Variants in CSMD1 observed in about 807,000 individuals in gnomAD.
The protein encoded by CSMD1 is CUB and sushi domain-containing protein 1.
CSMD1 carries 213 observed loss-of-function variants against 417.5 expected under a neutral mutation model. The observed-to-expected ratio is 0.51, with a 90% CI of 0.46 to 0.57. The LOEUF (loss-of-function observed/expected upper bound fraction) is 0.57, where lower values mean the gene tolerates loss of function less well. Ranked by LOEUF, CSMD1 falls within the 20% of genes least tolerant of loss-of-function variation. CSMD1 has a pLI of 0.00. For missense variants in CSMD1, 6,923 were observed against 4,529.7 expected (o/e 1.53, Z -15.17); for synonymous variants, 2,862 against 1,736.8 (o/e 1.65, Z -16.11).
intron 12 of CSMD1, among the ~76,000 whole-genome samples, chr8:3,431,515 C>G (rs774476811): frequency 6.6e-6 from 1 of 152,136 alleles, no homozygotes; most frequent in South Asian, 2.1e-4. Context: ...CATCCCCATG[C>G]CTTTTTTCCA....
intron 1 of CSMD1, among the ~76,000 whole-genome samples, chr8:4,736,456 C>G (rs145494741): frequency 2.3e-4 from 35 of 152,184 alleles, no homozygotes; most frequent in African/African-American, 6.5e-4. Flanking sequence ...CAGCAGGCCC[C>G]TCAGGTGGGC....
At chr8:4,164,754 T>TA (rs1797358173) in intron 3 of CSMD1, among the ~76,000 whole-genome samples, 1 of 152,060 alleles carries the variant, frequency 6.6e-6, no homozygotes, top group Non-Finnish European at 1.5e-5. Context: ...TTTGTGCCTG[T>TA]AGTCCTAGCT....
chr8:2,957,666 T>C (rs775034855), intron 63 of CSMD1, 30 bp downstream of exon 63: 16 of 1,346,142 alleles, frequency 1.2e-5, no homozygotes, highest in Middle Eastern at 1.8e-4. Flanking sequence ...ATAGGTGACT[T>C]GTGATGGGGG....
At chr8:3,534,614 C>G (rs757730642) in intron 10 of CSMD1, among the ~76,000 whole-genome samples, 2 of 151,374 alleles carry the variant, frequency 1.3e-5, no homozygotes, top group Non-Finnish European at 2.9e-5. Context: ...AAGGGCTTTT[C>G]TGCTAGATGT....
intron 59 of CSMD1, among the ~76,000 whole-genome samples, chr8:2,964,823 A>G (rs113472849): frequency 1.3e-5 from 2 of 152,188 alleles, no homozygotes; most frequent in Non-Finnish European, 2.9e-5. Context: ...GAAGAGAGAG[A>G]AAGCCATATT....
intron 12 of CSMD1, among the ~76,000 whole-genome samples, chr8:3,414,422 C>A (rs764554106): frequency 6.6e-6 from 1 of 152,074 alleles, no homozygotes; most frequent in Non-Finnish European, 1.5e-5. Context: ...GTTGCTCTAG[C>A]TATATTCCCA....
intron 50 of CSMD1, among the ~76,000 whole-genome samples, chr8:3,051,313 G>T (rs962156653): frequency 6.6e-6 from 1 of 152,168 alleles, no homozygotes. Context: ...TGGAGCTGGA[G>T]GTCATTATTC....
rs114918607 is a variant in CSMD1 at position 3,392,453 on chromosome 8, C to T, written c.2593+3741G>A. Among the ~76,000 whole-genome samples, 771 of 152,136 alleles carry T rather than the reference C, an allele frequency of 5.1e-3. 6 individuals carry two copies. The highest frequency in any genetic ancestry group is 0.018 in the African/African-American group (750 of 41,548). On this transcript the variant is annotated intron_variant, in intron 17 of 69. Transcript: ENST00000635120. ...GTTACCTGGATGAAGGGGTTGGTAG[C>T]ATTTTTCTCTTCCACGCTTTGCCAC...
intron 1 of CSMD1, among the ~76,000 whole-genome samples, chr8:4,910,621 C>A (rs1805598160): frequency 6.6e-6 from 1 of 152,150 alleles, no homozygotes; most frequent in Non-Finnish European, 1.5e-5. Context: ...GTCTGCTCCT[C>A]CAAATATTAC....
At chr8:3,905,733 T>C (rs761735467) in intron 5 of CSMD1, among the ~76,000 whole-genome samples, 10 of 152,160 alleles carry the variant, frequency 6.6e-5, no homozygotes, top group African/African-American at 2.2e-4. Context: ...ACGCAGATAA[T>C]AGACTCGTCT....
intron 6 of CSMD1, among the ~76,000 whole-genome samples, chr8:3,733,587 A>G (rs1796378668): frequency 6.6e-6 from 1 of 152,022 alleles, no homozygotes; most frequent in African/African-American, 2.4e-5. Flanking sequence ...GAGTGTGATG[A>G]AACCCTGCAC....
chr8:3,374,390 T>C (rs548154345), intron 18 of CSMD1, among the ~76,000 whole-genome samples: 4 of 152,322 alleles, frequency 2.6e-5, no homozygotes, highest in African/African-American at 7.2e-5. Flanking sequence ...CTTCTGGGCA[T>C]AGAACAATGA....
In CSMD1 at chr8:3,095,590, GCAATTTGACTCAT is replaced by G. The variant is rs138064060; in HGVS notation, c.7138+1246_7138+1258del. ...GATTCAGTGATGTCTATCCATACAA[GCAATTTGACTCAT>G]CAACTCAGTAAAGTGAATACAAACA... is the stretch of plus-strand genomic sequence containing the variant. On this transcript the variant is annotated intron_variant, in intron 47 of 69. Transcript: ENST00000635120. Among the ~76,000 whole-genome samples the G allele has an allele frequency of 6.9e-3, 1,044 of 152,184 alleles. 10 individuals carry two copies. Among genetic ancestry groups the G allele is most frequent in the African/African-American group, 0.024 (1,003 of 41,534 alleles).
intron 3 of CSMD1, among the ~76,000 whole-genome samples, chr8:4,162,139 C>A (rs956514628): frequency 1.2e-4 from 18 of 152,130 alleles, no homozygotes; most frequent in African/African-American, 4.1e-4. Flanking sequence ...TAAACTAAAC[C>A]AGTGCGACAT....
At chr8:4,210,482 A>G (rs1800240351) in intron 3 of CSMD1, among the ~76,000 whole-genome samples, 1 of 152,236 alleles carries the variant, frequency 6.6e-6, no homozygotes, top group Non-Finnish European at 1.5e-5. Context: ...CAAACAGACA[A>G]TAATTCAGGA....
At chr8:3,905,347 G>A (rs964373638) in intron 5 of CSMD1, among the ~76,000 whole-genome samples, 44 of 152,238 alleles carry the variant, frequency 2.9e-4, no homozygotes, top group African/African-American at 1.1e-3. Flanking sequence ...CATAAAAGTT[G>A]ATCATCTAAA....
intron 7 of CSMD1, among the ~76,000 whole-genome samples, chr8:3,695,752 T>C (rs936511494): frequency 6.6e-6 from 1 of 152,178 alleles, no homozygotes; most frequent in African/African-American, 2.4e-5. Flanking sequence ...TAAACCCTAG[T>C]CTGAGCATAT....
intron 3 of CSMD1, among the ~76,000 whole-genome samples, chr8:4,262,927 C>G (rs974625125): frequency 2.6e-5 from 4 of 152,028 alleles, no homozygotes; most frequent in Admixed American, 2.6e-4. Flanking sequence ...AATGATGAAC[C>G]ATAAGAACAT....
At chr8:4,257,144 G>C (rs1158673259) in intron 3 of CSMD1, among the ~76,000 whole-genome samples, 4 of 152,000 alleles carry the variant, frequency 2.6e-5, no homozygotes, top group Non-Finnish European at 4.4e-5. Context: ...TTGTTACCTA[G>C]GGCAAATTAC....
Sources: gnomAD v4.1 joint callset for allele counts (sites outside exome capture counted in the v4.1 genomes callset) on GRCh38, gnomAD v4.1.1 for gene constraint, MANE v1.5 for transcripts, NCBI Gene and HGNC (gene_info 2026-07-23, HGNC 2026-07-21) for gene names.